The following C6orf163 variants were observed in gnomAD, a reference collection of about 807,000 sequenced individuals.
C6orf163 encodes the protein uncharacterized protein C6orf163.
A neutral mutation model predicts 28.4 loss-of-function variants in C6orf163; 22 were observed. The ratio of observed to expected loss-of-function variants is 0.78; its 90% CI spans 0.55 to 1.11. The LOEUF is 1.11. Among genes scored for constraint, C6orf163 ranks in the 50% least tolerant of loss-of-function variants. The pLI is 0.00. For missense variants in C6orf163, 342 were observed against 389.1 expected (o/e 0.88, Z 1.02); for synonymous variants, 110 against 123.6 (o/e 0.89, Z 0.73).
intron 1 of C6orf163, chr6:87,348,254 G>A: frequency 1.0e-6 from 1 of 984,354 alleles, no homozygotes; most frequent in African/African-American, 1.7e-5. Context: ...GGGTAGAGAG[G>A]ATATTATTAT....
At chr6:87,361,637 T>C (rs1777582137) in intron 4 of C6orf163, among the ~76,000 whole-genome samples, 1 of 152,190 alleles carries the variant, frequency 6.6e-6, no homozygotes, top group Admixed American at 6.5e-5. Flanking sequence ...GAGGATGTTA[T>C]CAGACATCAG....
intron 3 of C6orf163, among the ~76,000 whole-genome samples, chr6:87,354,745 G>A (rs1438985955): frequency 6.6e-6 from 1 of 152,208 alleles, no homozygotes; most frequent in Non-Finnish European, 1.5e-5. Flanking sequence ...AGTAGCCAAA[G>A]TGAGAAGTTG....
At chr6:87,349,030 T>C (rs1777373096) in intron 2 of C6orf163, 124 bp downstream of exon 2, 2 of 1,249,078 alleles carry the variant, frequency 1.6e-6, no homozygotes, top group African/African-American at 1.5e-5. Context: ...CTGTGGGACA[T>C]TGGGCAAGTT....
Position 87,348,834 on chromosome 6 carries a change from A to G in C6orf163, c.171A>G (p.Lys57=). ...DILDIGANIL[K]KEEQFQEDIL... Reference sequence around the variant, plus strand: ...CAGATATTGGGGCAAATATTCTGAAAAAAGAAGAGCAGTTTCAAGAAGATA... The same window carrying G: ...CAGATATTGGGGCAAATATTCTGAAGAAAGAAGAGCAGTTTCAAGAAGATA... Residue 57 remains lysine (K), a synonymous_variant, in exon 2 of 5, where the codon AAA becomes AAG. Coordinates refer to ENST00000388923, the MANE Select transcript of C6orf163 (RefSeq NM_001010868.3). 1 of 1,537,536 alleles carries G rather than the reference A, an allele frequency of 6.5e-7. No homozygotes were observed.
chr6:87,360,629 G>T (rs2127935120), intron 4 of C6orf163, among the ~76,000 whole-genome samples: 1 of 152,152 alleles, frequency 6.6e-6, no homozygotes, highest in South Asian at 2.1e-4. Flanking sequence ...TTGAACTCCT[G>T]ACTTCAAGTG....
In C6orf163 at chr6:87,356,429, G is replaced by A. The variant is rs367954952; in HGVS notation, c.480G>A (p.Glu160=). ...IQRIMMECHR[E]KVEAVEKARA... ...GGATTATGATGGAATGCCACAGAGA[G>A]AAGGTCGAAGCTGTGGAGAAAGCCA... The change falls in exon 4 of 5, where the codon GAG becomes GAA. Residue 160 remains glutamate, a synonymous_variant. Transcript: ENST00000388923. 2.6e-5 allele frequency: 41 copies of A among 1,551,784 alleles called. No homozygotes were observed. Among genetic ancestry groups the A allele is most frequent in the Middle Eastern group, 1.7e-4 (1 of 5,992 alleles).
Position 87,345,040 on chromosome 6 carries a change from C to T in C6orf163, c.-60C>T. On this transcript the variant is annotated 5_prime_UTR_variant, in exon 1 of 5. Transcript: ENST00000388923. ...AAACTTTCAGCTTTTCTTGAAACGA[C>T]TTTTTCTGATTCTAAGATTATTTTA... 1 of 1,405,854 alleles carries T rather than the reference C, an allele frequency of 7.1e-7. No homozygotes were observed. The highest frequency in any genetic ancestry group is 1.4e-5 in the African/African-American group (1 of 69,026). 87.1% of individuals were successfully genotyped at this position (1,405,854 alleles called of 1,614,324 possible). A position where few individuals can be genotyped will look rare whatever the true frequency, so the allele number is the denominator to read the frequency against.
chr6:87,352,938 T>G (rs1052096509), intron 3 of C6orf163, among the ~76,000 whole-genome samples: 1 of 152,174 alleles, frequency 6.6e-6, no homozygotes, highest in South Asian at 2.1e-4. Flanking sequence ...TGAATCTATT[T>G]CTTACAATAT....
At chr6:87,347,724 G>C in intron 1 of C6orf163, 1 of 985,432 alleles carries the variant, frequency 1.0e-6, no homozygotes, top group Non-Finnish European at 1.2e-6. Flanking sequence ...TGGCATCAAG[G>C]CTTTCAATCT....
At chr6:87,350,555 G>A in intron 3 of C6orf163, 54 bp downstream of exon 3, 1 of 1,055,814 alleles carries the variant, frequency 9.5e-7, no homozygotes. Flanking sequence ...TTAGTAAAAA[G>A]AAAAGTTGGC....
chr6:87,345,696 C>T (rs1325795517), intron 1 of C6orf163, among the ~76,000 whole-genome samples: 4 of 151,874 alleles, frequency 2.6e-5, no homozygotes, highest in African/African-American at 4.8e-5. Context: ...TCGAGGTGGG[C>T]AGATCACTTG....
intron 1 of C6orf163, among the ~76,000 whole-genome samples, chr6:87,346,951 A>G (rs1383655730): frequency 1.3e-5 from 2 of 152,234 alleles, no homozygotes; most frequent in African/African-American, 4.8e-5. Flanking sequence ...GAACACTGGC[A>G]TTGAAACAAT....
rs1777397052 is a variant in C6orf163 at position 87,350,499 on chromosome 6, C to T, written c.349C>T (p.Gln117Ter). ...GAAAGAGGAACATCAGAAAGATTTA[C>T]AGGTTTTTATAGTGGCTTATTTGTT... Reference protein sequence around the residue: ...ILKEEHQKDLQEVTAKTKTEM... With the variant: ...ILKEEHQKDL Residue 117 changes from glutamine (Q) to a stop codon, truncating the protein, a stop_gained and splice_region_variant, in exon 3 of 5, where the codon CAG becomes TAG. Coordinates refer to ENST00000388923, the MANE Select transcript of C6orf163 (RefSeq NM_001010868.3). LOFTEE classifies it high-confidence loss of function. 6.7e-7 allele frequency: 1 copy of T among 1,503,326 alleles called. No individual in the cohort carries two copies. Among genetic ancestry groups the T allele is most frequent in the Non-Finnish European group, 8.9e-7 (1 of 1,117,880 alleles). The allele number at this position is 1,503,326 out of a possible 1,614,324, so 93.1% of individuals were successfully genotyped here. A position where few individuals can be genotyped will look rare whatever the true frequency, so the allele number is the denominator to read the frequency against.
At chr6:87,348,973 A>G in intron 2 of C6orf163, 67 bp downstream of exon 2, 1 of 1,521,982 alleles carries the variant, frequency 6.6e-7, no homozygotes, top group African/African-American at 1.4e-5. Context: ...GATTTGTCTG[A>G]AACAATTGTA....
At chr6:87,345,270 T>G in intron 1 of C6orf163, 23 bp downstream of exon 1, 1 of 1,506,744 alleles carries the variant, frequency 6.6e-7, no homozygotes. Context: ...ATCGTTTTCC[T>G]TTGTTCTAAT....
At chr6:87,356,270 A>G (rs758661835) in intron 3 of C6orf163, 31 bp from the exon 4 acceptor site, 7 of 1,536,128 alleles carry the variant, frequency 4.6e-6, no homozygotes, top group Middle Eastern at 1.7e-4. Context: ...TAAGTCTGTA[A>G]TAGCTAAACC....
At chr6:87,348,189 G>A in intron 1 of C6orf163, 1 of 983,138 alleles carries the variant, frequency 1.0e-6, no homozygotes, top group Admixed American at 6.2e-5. Context: ...AAAAAGACCT[G>A]GCTGTCTGAT....
rs1481359847 is a variant in C6orf163, at chr6:87,350,459, T to A, written c.309T>A (p.Ile103=). The change falls in exon 3 of 5, where the codon ATT becomes ATA. Residue 103 remains isoleucine (I), a synonymous_variant. Transcript: ENST00000388923. ...AAGAAGCAAATGACAGACACAAAAT[T>A]GAAATTCAGATTTTGAAAGAGGAAC... is the stretch of plus-strand genomic sequence containing the variant. The part of the protein sequence containing the change: ...ALEEANDRHK[I]EIQILKEEHQ... 1 of 1,535,652 alleles carries A rather than the reference T, an allele frequency of 6.5e-7. No individual in the cohort carries two copies. The highest frequency in any genetic ancestry group is 1.2e-5 in the South Asian group (1 of 83,702).
chr6:87,347,352 C>G, intron 1 of C6orf163: 8 of 971,488 alleles, frequency 8.2e-6, no homozygotes, highest in Non-Finnish European at 9.8e-6. Flanking sequence ...TCCTGTTGTA[C>G]AATCAGGGTT....
Sources: allele counts gnomAD v4.1 joint callset (sites outside exome capture counted in the v4.1 genomes callset), GRCh38; gene constraint gnomAD v4.1.1; transcripts MANE v1.5; gene names NCBI Gene and HGNC (gene_info 2026-07-23, HGNC 2026-07-21).